Variants in SRGAP1 observed in about 807,000 individuals in gnomAD.
SRGAP1 encodes the protein SLIT-ROBO Rho GTPase-activating protein 1.
A neutral mutation model predicts 121.9 loss-of-function variants in SRGAP1; 43 were observed. The ratio of observed to expected loss-of-function variants is 0.35; its 90% CI spans 0.28 to 0.46. The LOEUF (loss-of-function observed/expected upper bound fraction) is 0.46, where lower values mean the gene tolerates loss of function less well. SRGAP1 is among the 20% of genes least tolerant of loss of function. The probability of loss-of-function intolerance (pLI) is 1.00; values close to 1 mark genes in which losing one functional copy is unlikely to be tolerated. For synonymous variants in SRGAP1, 447 were observed against 485.4 expected (o/e 0.92, Z 1.04); for missense variants, 1,102 against 1,350.9 (o/e 0.82, Z 2.89).
At chr12:64,064,935 A>G (rs1026650393) in intron 7 of SRGAP1, among the ~76,000 whole-genome samples, 183 bp from the exon 8 acceptor site, 1 of 152,232 alleles carries the variant, frequency 6.6e-6, no homozygotes, top group Admixed American at 6.5e-5. Context: ...GCATTCTGCT[A>G]TTGCAGCTTA....
chr12:63,921,211 C>G (rs1349347891), intron 1 of SRGAP1, among the ~76,000 whole-genome samples: 3 of 152,226 alleles, frequency 2.0e-5, no homozygotes, highest in Non-Finnish European at 4.4e-5. Flanking sequence ...CCATCGTGAT[C>G]ACTCTAATGC....
chr12:63,906,422 C>T (rs1379028288), intron 1 of SRGAP1, among the ~76,000 whole-genome samples: 1 of 151,910 alleles, frequency 6.6e-6, no homozygotes, highest in Non-Finnish European at 1.5e-5. Flanking sequence ...CCACACCATT[C>T]TCCTGCCTCA....
At chr12:64,141,538 T>C (rs977733432) in intron 21 of SRGAP1, among the ~76,000 whole-genome samples, 1 of 151,946 alleles carries the variant, frequency 6.6e-6, no homozygotes, top group Non-Finnish European at 1.5e-5. Context: ...CGAGATCATG[T>C]CACTGCACTC....
chr12:63,854,368 A>G (rs1433186737), intron 1 of SRGAP1, among the ~76,000 whole-genome samples: 1 of 152,184 alleles, frequency 6.6e-6, no homozygotes, highest in Non-Finnish European at 1.5e-5. Flanking sequence ...TAAAAATTGG[A>G]ATAGTAGTGT....
At chr12:64,078,871 G>T (rs1473064569) in intron 8 of SRGAP1, 48 bp from the exon 9 acceptor site, 1 of 1,583,680 alleles carries the variant, frequency 6.3e-7, no homozygotes, top group East Asian at 2.2e-5. Flanking sequence ...CTGTTTGTGG[G>T]ATTCATGAAA....
At position 64,130,038 on chromosome 12, in the gene SRGAP1, C is replaced by A. The variant is rs1012761253; in HGVS notation, c.2880+1838C>A. ...TGGCGGAGTGACCCAAACCTTCATT[C>A]CTGAAGGGTCTGGGCCATTTGTAGT... On this transcript the variant is annotated intron_variant, in intron 21 of 21. Coordinates refer to ENST00000355086, the MANE Select transcript of SRGAP1 (RefSeq NM_020762.4). 7.2e-5 allele frequency among the ~76,000 whole-genome samples: 11 copies of A among 152,194 alleles called. No homozygotes were observed. The East Asian group carries it at 2.1e-3, about 29-fold the overall frequency.
At chr12:64,092,118 A>T (rs1468438563) in intron 12 of SRGAP1, among the ~76,000 whole-genome samples, 1 of 152,262 alleles carries the variant, frequency 6.6e-6, no homozygotes, top group African/African-American at 2.4e-5. Flanking sequence ...AAATGGGCAC[A>T]TTAAACTATT....
At chr12:64,029,553 C>T (rs1404309119) in intron 4 of SRGAP1, among the ~76,000 whole-genome samples, 2 of 152,038 alleles carry the variant, frequency 1.3e-5, no homozygotes, top group Non-Finnish European at 2.9e-5. Flanking sequence ...GAAGCTGACA[C>T]CTGAATTTAG....
intron 1 of SRGAP1, among the ~76,000 whole-genome samples, chr12:63,866,499 A>G (rs1411022882): frequency 6.6e-6 from 1 of 152,260 alleles, no homozygotes; most frequent in Non-Finnish European, 1.5e-5. Context: ...ACATAAAGTG[A>G]GAAATATGCA....
chr12:63,915,273 A>G (rs2030722796), intron 1 of SRGAP1, among the ~76,000 whole-genome samples: 2 of 152,220 alleles, frequency 1.3e-5, no homozygotes. Flanking sequence ...AGTTACTTCC[A>G]GTGTAGATTA....
At chr12:63,996,005 A>G (rs1198908842) in intron 3 of SRGAP1, among the ~76,000 whole-genome samples, 1 of 151,870 alleles carries the variant, frequency 6.6e-6, no homozygotes, top group Admixed American at 6.6e-5. Context: ...CAGATCTCTA[A>G]GGCTCTGACC....
intron 18 of SRGAP1, among the ~76,000 whole-genome samples, chr12:64,122,059 T>C (rs1020924183): frequency 9.2e-5 from 14 of 152,140 alleles, no homozygotes; most frequent in African/African-American, 3.1e-4. Context: ...GTAACAGATC[T>C]AGGAGGAAAA....
intron 6 of SRGAP1, among the ~76,000 whole-genome samples, chr12:64,061,802 G>A (rs1405088055): frequency 6.6e-6 from 1 of 152,074 alleles, no homozygotes; most frequent in Non-Finnish European, 1.5e-5. Flanking sequence ...GGTCTTTTGT[G>A]ACTTGCTTCT....
intron 11 of SRGAP1, among the ~76,000 whole-genome samples, chr12:64,087,332 A>G (rs2035965158): frequency 6.6e-6 from 1 of 152,140 alleles, no homozygotes; most frequent in African/African-American, 2.4e-5. Context: ...GCGTGACAGG[A>G]CTTTTGATTT....
chr12:64,114,482 A>G (rs2036486884), intron 17 of SRGAP1, among the ~76,000 whole-genome samples: 1 of 151,658 alleles, frequency 6.6e-6, no homozygotes, highest in South Asian at 2.1e-4. Context: ...TCCCAAGTAG[A>G]TGGGATTACA....
At chr12:63,860,390 T>TAATA (rs1899403967) in intron 1 of SRGAP1, among the ~76,000 whole-genome samples, 1 of 152,174 alleles carries the variant, frequency 6.6e-6, no homozygotes, top group South Asian at 2.1e-4. Flanking sequence ...GAACTGAGAG[T>TAATA]AATAGTGTTT....
intron 21 of SRGAP1, among the ~76,000 whole-genome samples, chr12:64,138,999 A>C (rs1191226595): frequency 6.6e-6 from 1 of 152,222 alleles, no homozygotes; most frequent in Non-Finnish European, 1.5e-5. Context: ...CCATCTAAAA[A>C]ATATTTTATG....
At chr12:63,874,495 G>A (rs926564987) in intron 1 of SRGAP1, among the ~76,000 whole-genome samples, 2 of 152,184 alleles carry the variant, frequency 1.3e-5, no homozygotes, top group African/African-American at 4.8e-5. Context: ...GAGCAACCAC[G>A]CCCGGCCGAA....
At chr12:64,117,495 C>T (rs987909545) in intron 18 of SRGAP1, among the ~76,000 whole-genome samples, 1 of 152,148 alleles carries the variant, frequency 6.6e-6, no homozygotes, top group African/African-American at 2.4e-5. Context: ...CAAAACAGAA[C>T]ATCTTAATTT....
Sources: allele counts gnomAD v4.1 joint callset (sites outside exome capture counted in the v4.1 genomes callset), GRCh38; gene constraint gnomAD v4.1.1; transcripts MANE v1.5; gene names NCBI Gene and HGNC (gene_info 2026-07-23, HGNC 2026-07-21).